The following RAB35 variants were observed in gnomAD, a reference collection of about 807,000 sequenced individuals.
RAB35 encodes the protein RAB35, member RAS oncogene family.
Under a neutral mutation model 28.9 loss-of-function variants are expected in RAB35, and 4 were observed. That is an observed-to-expected ratio of 0.14 (90% CI 0.07 to 0.32). The LOEUF is 0.32. RAB35 is among the 10% of genes least tolerant of loss of function. The pLI, the probability that RAB35 is intolerant of heterozygous loss-of-function variation, is 1.00. For missense variants in RAB35, 128 were observed against 274.0 expected (o/e 0.47, Z 3.76); for synonymous variants, 99 against 105.1 (o/e 0.94, Z 0.35).
chr12:120,113,866 G>A (rs1017067674), intron 1 of RAB35, among the ~76,000 whole-genome samples: 4 of 152,034 alleles, frequency 2.6e-5, no homozygotes, highest in African/African-American at 2.4e-5. Context: ...CCGGCATAAC[G>A]AAGGGATGCA....
At chr12:120,114,661 T>C (rs7974382) in intron 1 of RAB35, among the ~76,000 whole-genome samples, 8 of 152,180 alleles carry the variant, frequency 5.3e-5, no homozygotes, top group African/African-American at 1.7e-4. Context: ...ATGGCTGACC[T>C]AGGAGCTAGA....
intron 1 of RAB35, among the ~76,000 whole-genome samples, chr12:120,113,861 A>T (rs1042778492): frequency 2.7e-4 from 41 of 152,138 alleles, no homozygotes; most frequent in African/African-American, 9.4e-4. Flanking sequence ...AACCTCCGGC[A>T]TAACGAAGGG....
intron 1 of RAB35, among the ~76,000 whole-genome samples, chr12:120,114,266 T>G (rs979908339): frequency 1.3e-5 from 2 of 152,250 alleles, no homozygotes; most frequent in Non-Finnish European, 2.9e-5. Flanking sequence ...GCTACTTTTG[T>G]ATTTTTAGTA....
intron 5 of RAB35, among the ~76,000 whole-genome samples, chr12:120,098,596 T>C (rs775256351): frequency 1.3e-5 from 2 of 152,262 alleles, no homozygotes; most frequent in Non-Finnish European, 2.9e-5. Flanking sequence ...GAGCCTCAGT[T>C]TCCCTATTTG....
chr12:120,098,041 G>A lies in RAB35; in HGVS notation c.478-668C>T, dbSNP rs563301075. On this transcript the variant is annotated intron_variant, in intron 5 of 5. Transcript: ENST00000229340. ...TGGGACTACAGGCGCCCACCACCAC[G>A]CCCGGCTAATTTTTTTGTATTTTTA... Among the ~76,000 whole-genome samples, 28 of 151,966 alleles carry A rather than the reference G, an allele frequency of 1.8e-4. No individual in the cohort carries two copies. The East Asian group carries it at 2.1e-3, about 12-fold the overall frequency.
chr12:120,095,476 C>G lies in RAB35; in HGVS notation c.*1769G>C, dbSNP rs185576978. On this transcript the variant is annotated 3_prime_UTR_variant, in exon 6 of 6. Transcript: ENST00000229340. ...ATCGCTCAGAGGCCAGCATGCCCCC[C>G]GCCCACCGGCACAGGAGCCCCAGGC... 6.6e-6 allele frequency: 1 copy of G among 152,614 alleles called. No homozygotes were observed. Among genetic ancestry groups the G allele is most frequent in the Non-Finnish European group, 1.5e-5 (1 of 68,114 alleles). The allele number at this position is 152,614 out of a possible 1,614,324, so 9.5% of individuals were successfully genotyped here. A position where few individuals can be genotyped will look rare whatever the true frequency, so the allele number is the denominator to read the frequency against.
rs3999541 is a variant in RAB35, at chr12:120,110,290, A to ATTTTTTTTTTTTTTTTT, written c.53-1824_53-1823insAAAAAAAAAAAAAAAAA. ...TCTGTTCATGGGAGAAGCCCACAGC[A>ATTTTTTTTTTTTTTTTT]TTTTTTTTTTTTTTGGAGAGATAGG... On this transcript the variant is annotated intron_variant, in intron 1 of 5. Transcript: ENST00000229340. Among the ~76,000 whole-genome samples the ATTTTTTTTTTTTTTTTT allele has an allele frequency of 1.5e-3, 135 of 88,570 alleles. 14 individuals are homozygous for ATTTTTTTTTTTTTTTTT. The highest frequency in any genetic ancestry group is 6.8e-3 in the East Asian group (16 of 2,348). 58.1% of individuals were successfully genotyped at this position (88,570 alleles called of 152,430 possible).
chr12:120,116,560 G>C (rs952671474), intron 1 of RAB35, 39 bp downstream of exon 1: 16 of 1,084,984 alleles, frequency 1.5e-5, no homozygotes, highest in Non-Finnish European at 1.8e-5. Context: ...GGCCGCGCCC[G>C]GCAGGGCCCG....
At chr12:120,110,776 T>A (rs1876084885) in intron 1 of RAB35, among the ~76,000 whole-genome samples, 1 of 152,212 alleles carries the variant, frequency 6.6e-6, no homozygotes, top group African/African-American at 2.4e-5. Flanking sequence ...TGGGTCCTAC[T>A]TTCCTAAAGA....
chr12:120,108,737 G>C (rs1010021761), intron 1 of RAB35: 3 of 619,062 alleles, frequency 4.8e-6, no homozygotes, highest in Non-Finnish European at 9.0e-6. Context: ...CTGGTGCCCA[G>C]GCCCTAGGCT....
intron 1 of RAB35, among the ~76,000 whole-genome samples, chr12:120,115,072 C>G (rs147463563): frequency 2.1e-4 from 32 of 152,156 alleles, no homozygotes; most frequent in Admixed American, 3.9e-4. Flanking sequence ...TCATTCAAAC[C>G]ATAACCAGTC....
chr12:120,101,175 C>T (rs1875642156), intron 3 of RAB35, among the ~76,000 whole-genome samples: 1 of 152,246 alleles, frequency 6.6e-6, no homozygotes, highest in Non-Finnish European at 1.5e-5. Flanking sequence ...GAATCACCTT[C>T]ACTCACAGGG....
At position 120,097,181 on chromosome 12, in the gene RAB35, AC is replaced by A. The variant is rs1481038386; in HGVS notation, c.*63del. 2 of 1,612,308 alleles carry A rather than the reference AC, an allele frequency of 1.2e-6. No homozygotes were observed. The highest frequency in any genetic ancestry group is 2.7e-5 in the African/African-American group (2 of 74,608). On this transcript the variant is annotated 3_prime_UTR_variant, in exon 6 of 6. Transcript: ENST00000229340. ...CGAAACTGAGACTGTCCCCCGAGGAACCTCCGTGGGCCTCGGGCTGGGGGAG... is the reference window on the plus strand; with the variant it reads ...CGAAACTGAGACTGTCCCCCGAGGAACTCCGTGGGCCTCGGGCTGGGGGAG...
rs572495889 is a variant in RAB35 at position 120,109,404 on chromosome 12, G to A, written c.53-937C>T. On this transcript the variant is annotated intron_variant, in intron 1 of 5. Coordinates refer to ENST00000229340, the MANE Select transcript of RAB35 (RefSeq NM_006861.7). ...GGAGGCGGAGGTTGCAGTGAGCTGA[G>A]ATCATGCCACTGCACTCCAGCCTGG... is the stretch of plus-strand genomic sequence containing the variant. 6.6e-5 allele frequency among the ~76,000 whole-genome samples: 10 copies of A among 152,076 alleles called. No homozygotes were observed. In the East Asian group the frequency reaches 9.6e-4, roughly 15 times the overall value.
At position 120,096,714 on chromosome 12, in the gene RAB35, A is replaced by G; in HGVS notation, c.*531T>C. 1 of 1,289,906 alleles carries G rather than the reference A, an allele frequency of 7.8e-7. No individual in the cohort carries two copies. The allele number at this position is 1,289,906 out of a possible 1,614,324, so 79.9% of individuals were successfully genotyped here. On this transcript the variant is annotated 3_prime_UTR_variant, in exon 6 of 6. Coordinates refer to ENST00000229340, the MANE Select transcript of RAB35 (RefSeq NM_006861.7). Reference sequence around the variant, plus strand: ...GCACAGGCCCCGGAGAAGGGGCAAGACCCTGTGCAGCGGGGACAGAGGCTG... The same window carrying G: ...GCACAGGCCCCGGAGAAGGGGCAAGGCCCTGTGCAGCGGGGACAGAGGCTG...
rs1697391410 is a variant in RAB35, at chr12:120,095,169, AC to A, written c.*2075del. On this transcript the variant is annotated 3_prime_UTR_variant, in exon 6 of 6. Coordinates refer to ENST00000229340, the MANE Select transcript of RAB35 (RefSeq NM_006861.7). ...AATTAGAAACTTTCAATACAGAAAT[AC>A]TCCTAGCAAACCATTGAAAAGTGGT... The A allele has an allele frequency of 6.6e-6, 1 of 152,490 alleles. No individual in the cohort carries two copies. Among genetic ancestry groups the A allele is most frequent in the South Asian group, 2.1e-4 (1 of 4,828 alleles). 9.4% of individuals were successfully genotyped at this position (152,490 alleles called of 1,614,324 possible). A position where few individuals can be genotyped will look rare whatever the true frequency, so the allele number is the denominator to read the frequency against.
intron 2 of RAB35, among the ~76,000 whole-genome samples, chr12:120,105,647 G>A (rs1018532603): frequency 6.6e-6 from 1 of 151,270 alleles, no homozygotes; most frequent in Non-Finnish European, 1.5e-5. Context: ...GCCCAGACCC[G>A]GCGCGCTGGC....
rs971182726 is a variant in RAB35 at position 120,096,535 on chromosome 12, G to A, written c.*710C>T. 9.3e-6 allele frequency: 12 copies of A among 1,289,762 alleles called. No individual in the cohort carries two copies. Among genetic ancestry groups the A allele is most frequent in the Non-Finnish European group, 1.2e-5 (12 of 988,892 alleles). 79.9% of individuals were successfully genotyped at this position (1,289,762 alleles called of 1,614,324 possible). On this transcript the variant is annotated 3_prime_UTR_variant, in exon 6 of 6. Transcript: ENST00000229340. ...AGAAGCCATGGCTGCCCTGGGTTTG[G>A]AGCTCAGAGGCATCTAGAAGGCAGG...
chr12:120,096,582 G>A lies in RAB35; in HGVS notation c.*663C>T, dbSNP rs1156917179. On this transcript the variant is annotated 3_prime_UTR_variant, in exon 6 of 6. Coordinates refer to ENST00000229340, the MANE Select transcript of RAB35 (RefSeq NM_006861.7). ...CAGGACAAGAAATCTGTTGGCCAAA[G>A]GGCAAGACCTGCCACCTCTGTGGAA... 1.6e-6 allele frequency: 2 copies of A among 1,289,602 alleles called. No homozygotes were observed. The highest frequency in any genetic ancestry group is 1.2e-5 in the South Asian group (1 of 81,038). The allele number at this position is 1,289,602 out of a possible 1,614,324, so 79.9% of individuals were successfully genotyped here.
Sources: gnomAD v4.1 joint callset for allele counts (sites outside exome capture counted in the v4.1 genomes callset) on GRCh38, gnomAD v4.1.1 for gene constraint, MANE v1.5 for transcripts, NCBI Gene and HGNC (gene_info 2026-07-23, HGNC 2026-07-21) for gene names.